KMT5B: variants seen among roughly 807,000 people sequenced by gnomAD.
KMT5B encodes the protein histone-lysine N-methyltransferase KMT5B.
Under a neutral mutation model 83.2 loss-of-function variants are expected in KMT5B, and 10 were observed. The ratio of observed to expected loss-of-function variants is 0.12; its 90% CI spans 0.07 to 0.20. KMT5B has a LOEUF of 0.20. KMT5B is among the 10% of genes least tolerant of loss of function. KMT5B has a pLI of 1.00. For missense variants in KMT5B, 753 were observed against 1,067.2 expected (o/e 0.71, Z 4.10); for synonymous variants, 349 against 388.8 (o/e 0.90, Z 1.20).
chr11:68,210,547 A>G (rs1363528806), intron 1 of KMT5B, among the ~76,000 whole-genome samples: 1 of 152,192 alleles, frequency 6.6e-6, no homozygotes, highest in Non-Finnish European at 1.5e-5. Flanking sequence ...AGAGAATGGA[A>G]TAAGAATTGA....
intron 9 of KMT5B, 137 bp downstream of exon 9, chr11:68,170,878 A>G: frequency 1.1e-6 from 1 of 889,360 alleles, no homozygotes; most frequent in Admixed American, 3.4e-5. Context: ...GTTCATACAC[A>G]CTGCACCAGC....
chr11:68,157,597 T>G lies in KMT5B; in HGVS notation c.*91A>C. On this transcript the variant is annotated 3_prime_UTR_variant, in exon 11 of 11. Coordinates refer to ENST00000304363, the MANE Select transcript of KMT5B (RefSeq NM_017635.5). ...CTGATAAGTGAAGGGACAATAGAAG[T>G]GCTGCCACTAAACTTTCAGTTGAGG... is the stretch of plus-strand genomic sequence containing the variant. The G allele has an allele frequency of 2.0e-6, 3 of 1,475,660 alleles. No individual in the cohort carries two copies. Among genetic ancestry groups the G allele is most frequent in the Non-Finnish European group, 1.8e-6 (2 of 1,118,458 alleles). The allele number at this position is 1,475,660 out of a possible 1,614,324, so 91.4% of individuals were successfully genotyped here.
At chr11:68,206,670 A>G (rs1482639772) in intron 1 of KMT5B, among the ~76,000 whole-genome samples, 1 of 152,198 alleles carries the variant, frequency 6.6e-6, no homozygotes, top group African/African-American at 2.4e-5. Flanking sequence ...AAATGAGCAC[A>G]AACTGCTAAC....
At chr11:68,170,251 G>A (rs1565224790) in intron 9 of KMT5B, among the ~76,000 whole-genome samples, 1 of 152,234 alleles carries the variant, frequency 6.6e-6, no homozygotes. Context: ...TACTCGCAAT[G>A]TGGGCACCTC....
chr11:68,175,186 G>A lies in KMT5B; in HGVS notation c.378-3C>T, dbSNP rs1856234307. On this transcript the variant is annotated splice_polypyrimidine_tract_variant and splice_region_variant and intron_variant, in intron 4 of 10. Coordinates refer to ENST00000304363, the MANE Select transcript of KMT5B (RefSeq NM_017635.5). The stretch of plus-strand genomic sequence containing the variant: ...GCCTTCCTTTAATAGGCCTAAATCT[G>A]AAAGAAATCAAAAGAATGAATGGGT... The A allele has an allele frequency of 6.2e-7, 1 of 1,606,744 alleles. No individual in the cohort carries two copies. The highest frequency in any genetic ancestry group is 1.7e-5 in the Admixed American group (1 of 59,388).
At chr11:68,193,779 A>G (rs4451734) in intron 1 of KMT5B, among the ~76,000 whole-genome samples, 1 of 152,006 alleles carries the variant, frequency 6.6e-6, no homozygotes, top group Non-Finnish European at 1.5e-5. Context: ...GAGAAAAGGC[A>G]TAGAATTGAA....
intron 4 of KMT5B, among the ~76,000 whole-genome samples, chr11:68,176,088 T>C (rs1856351400): frequency 6.6e-6 from 1 of 152,114 alleles, no homozygotes; most frequent in Admixed American, 6.5e-5. Flanking sequence ...CTAATTTTTG[T>C]ATTTTTAGTA....
intron 10 of KMT5B, chr11:68,165,743 G>C (rs780311898): frequency 9.0e-6 from 13 of 1,442,836 alleles, no homozygotes; most frequent in Non-Finnish European, 1.2e-5. Flanking sequence ...TTTATTATGA[G>C]AATCAACAGT....
At chr11:68,170,880 T>C in intron 9 of KMT5B, 135 bp downstream of exon 9, 1 of 917,298 alleles carries the variant, frequency 1.1e-6, no homozygotes. Context: ...TCATACACAC[T>C]GCACCAGCCG....
At chr11:68,201,852 G>A (rs1859477441) in intron 1 of KMT5B, among the ~76,000 whole-genome samples, 1 of 151,840 alleles carries the variant, frequency 6.6e-6, no homozygotes. Context: ...GGCCGAAGCA[G>A]GTGGATTCCT....
intron 10 of KMT5B, chr11:68,166,704 T>C: frequency 1.6e-6 from 2 of 1,251,936 alleles, no homozygotes; most frequent in Non-Finnish European, 2.0e-6. Context: ...TGAAAATGTT[T>C]AAAACATATG....
chr11:68,203,640 T>G (rs1215925107), intron 1 of KMT5B, among the ~76,000 whole-genome samples: 1 of 152,208 alleles, frequency 6.6e-6, no homozygotes, highest in Non-Finnish European at 1.5e-5. Context: ...AGTTGCTAAT[T>G]TGTTAGAAAA....
At chr11:68,184,922 A>G (rs111986574) in intron 3 of KMT5B, among the ~76,000 whole-genome samples, 67 of 152,342 alleles carry the variant, frequency 4.4e-4, no homozygotes, top group African/African-American at 1.5e-3. Context: ...TGTTTTTTAT[A>G]TACAGCATTT....
chr11:68,178,382 A>G (rs1452792691), intron 4 of KMT5B, among the ~76,000 whole-genome samples: 2 of 152,180 alleles, frequency 1.3e-5, no homozygotes, highest in African/African-American at 4.8e-5. Flanking sequence ...AACCAACACA[A>G]AATAGTCAAC....
At chr11:68,199,099 T>C (rs1387981986) in intron 1 of KMT5B, among the ~76,000 whole-genome samples, 1 of 152,182 alleles carries the variant, frequency 6.6e-6, no homozygotes, top group Non-Finnish European at 1.5e-5. Context: ...TTGTTTTTTT[T>C]TTAGTTACAA....
intron 1 of KMT5B, among the ~76,000 whole-genome samples, chr11:68,201,129 C>G (rs1010417601): frequency 2.6e-5 from 4 of 152,092 alleles, no homozygotes; most frequent in African/African-American, 9.7e-5. Flanking sequence ...GTATTTAAAG[C>G]GGAAACTCCT....
At chr11:68,185,656 C>G (rs1272056731) in intron 3 of KMT5B, 125 bp downstream of exon 3, 1 of 880,262 alleles carries the variant, frequency 1.1e-6, no homozygotes, top group African/African-American at 1.7e-5. Context: ...GACAGAAAAC[C>G]CTTCCACTGC....
At chr11:68,193,316 A>G (rs1858307853) in intron 1 of KMT5B, among the ~76,000 whole-genome samples, 1 of 152,238 alleles carries the variant, frequency 6.6e-6, no homozygotes, top group Non-Finnish European at 1.5e-5. Flanking sequence ...ACAAACACAT[A>G]GAAAAGTACA....
chr11:68,163,171 T>C (rs1855004946), intron 10 of KMT5B, among the ~76,000 whole-genome samples: 2 of 152,188 alleles, frequency 1.3e-5, no homozygotes, highest in African/African-American at 2.4e-5. Context: ...CTCAAATACA[T>C]GGACCTGGAC....
Sources: gnomAD v4.1 joint callset for allele counts (sites outside exome capture counted in the v4.1 genomes callset) on GRCh38, gnomAD v4.1.1 for gene constraint, MANE v1.5 for transcripts, NCBI Gene and HGNC (gene_info 2026-07-23, HGNC 2026-07-21) for gene names.